DACH1: variants seen among roughly 807,000 people sequenced by gnomAD.
DACH1 encodes the protein dachshund homolog 1.
DACH1 carries 12 observed loss-of-function variants against 54.2 expected under a neutral mutation model. That is an observed-to-expected ratio of 0.22 (90% confidence interval 0.14 to 0.36). The LOEUF is 0.36. Ranked by LOEUF, DACH1 falls within the 10% of genes least tolerant of loss-of-function variation. The pLI, the probability that DACH1 is intolerant of heterozygous loss-of-function variation, is 1.00. For missense variants in DACH1, 805 were observed against 929.8 expected (o/e 0.87, Z 1.75); for synonymous variants, 386 against 366.2 (o/e 1.05, Z -0.62).
chr13:71,552,823 ATAT>A (rs1883931826), intron 6 of DACH1, among the ~76,000 whole-genome samples: 1 of 56,118 alleles, frequency 1.8e-5, no homozygotes, highest in Non-Finnish European at 3.4e-5. Context: ...ATATATATAT[ATAT>A]ATATATATAT....
At chr13:71,821,345 T>G (rs1888176649) in intron 1 of DACH1, among the ~76,000 whole-genome samples, 1 of 133,148 alleles carries the variant, frequency 7.5e-6, no homozygotes. Context: ...GTCCCTCCTG[T>G]GTGCCTCAGT....
chr13:71,692,068 T>C (rs1881509276), intron 1 of DACH1, among the ~76,000 whole-genome samples: 1 of 151,536 alleles, frequency 6.6e-6, no homozygotes, highest in Non-Finnish European at 1.5e-5. Flanking sequence ...TACACTTCTG[T>C]AATGAAGGCT....
At chr13:71,677,651 T>C (rs1030802968) in intron 2 of DACH1, among the ~76,000 whole-genome samples, 2 of 152,192 alleles carry the variant, frequency 1.3e-5, no homozygotes, top group African/African-American at 4.8e-5. Context: ...TTAACTCCAA[T>C]GTTCAATTCT....
At chr13:71,468,655 C>T (rs2138156322) in intron 10 of DACH1, among the ~76,000 whole-genome samples, 1 of 152,258 alleles carries the variant, frequency 6.6e-6, no homozygotes, top group Non-Finnish European at 1.5e-5. Context: ...TATTCAAATG[C>T]ATACGTCAAA....
intron 2 of DACH1, among the ~76,000 whole-genome samples, chr13:71,651,451 G>C (rs1878659258): frequency 6.6e-6 from 1 of 151,982 alleles, no homozygotes; most frequent in East Asian, 1.9e-4. Context: ...TTCTAACTCT[G>C]GGGGTTCAAG....
At chr13:71,773,909 T>G (rs1219030018) in intron 1 of DACH1, among the ~76,000 whole-genome samples, 1 of 151,958 alleles carries the variant, frequency 6.6e-6, no homozygotes, top group Non-Finnish European at 1.5e-5. Context: ...ATGTTTATCT[T>G]TAAGGCTTTA....
intron 3 of DACH1, among the ~76,000 whole-genome samples, chr13:71,622,754 C>T (rs1876340744): frequency 6.6e-6 from 1 of 151,656 alleles, no homozygotes; most frequent in African/African-American, 2.4e-5. Context: ...CTATATACAT[C>T]CTTATATTTT....
chr13:71,698,117 G>A (rs1243142455), intron 1 of DACH1, among the ~76,000 whole-genome samples: 3 of 152,000 alleles, frequency 2.0e-5, no homozygotes, highest in South Asian at 2.1e-4. Flanking sequence ...GCTAAAACCC[G>A]GGAGGTGCAA....
intron 1 of DACH1, among the ~76,000 whole-genome samples, chr13:71,682,790 T>C (rs1426920122): frequency 6.6e-6 from 1 of 152,136 alleles, no homozygotes; most frequent in East Asian, 1.9e-4. Flanking sequence ...GATTAATTAT[T>C]ACAGTTATAA....
chr13:71,821,171 T>C (rs575569610), intron 1 of DACH1, among the ~76,000 whole-genome samples: 4 of 152,268 alleles, frequency 2.6e-5, no homozygotes, highest in Middle Eastern at 3.4e-3. Flanking sequence ...TTTGTGAACA[T>C]TGGTTTTAGT....
chr13:71,842,151 T>G (rs1258241398), intron 1 of DACH1, among the ~76,000 whole-genome samples: 1 of 152,188 alleles, frequency 6.6e-6, no homozygotes, highest in Non-Finnish European at 1.5e-5. Flanking sequence ...TTCAATATCT[T>G]CCTCTATAAA....
intron 10 of DACH1, among the ~76,000 whole-genome samples, chr13:71,462,528 A>G (rs1931483): frequency 0.86 from 130,722 of 151,490 alleles, 59,110 homozygotes; most frequent in Non-Finnish European, 0.99. Context: ...GAAAAAAAAA[A>G]TCATTGACTG....
At chr13:71,677,356 C>T (rs568894490) in intron 2 of DACH1, among the ~76,000 whole-genome samples, 189 of 152,276 alleles carry the variant, frequency 1.2e-3, no homozygotes, top group African/African-American at 4.1e-3. Context: ...TTAACTTCAA[C>T]TTCTGGTTGC....
chr13:71,463,942 A>G (rs1380245198), intron 10 of DACH1, among the ~76,000 whole-genome samples: 1 of 151,882 alleles, frequency 6.6e-6, no homozygotes, highest in Non-Finnish European at 1.5e-5. Flanking sequence ...ATGATCTCTT[A>G]GTTTGTGAGA....
At chr13:71,751,276 T>C (rs1884911336) in intron 1 of DACH1, among the ~76,000 whole-genome samples, 1 of 152,212 alleles carries the variant, frequency 6.6e-6, no homozygotes, top group African/African-American at 2.4e-5. Context: ...CAGCTGTGCT[T>C]AAGTGCTGTT....
Position 71,568,852 on chromosome 13 carries a change from T to C in DACH1, c.1299+3988A>G, listed in dbSNP as rs556892076. ...ACATAAGAAATTAATACAGGTACAG[T>C]TTATAATTATTTAATATATCCCCAC... On this transcript the variant is annotated intron_variant, in intron 4 of 10. Coordinates refer to ENST00000613252, the MANE Select transcript of DACH1 (RefSeq NM_080759.6). Among the ~76,000 whole-genome samples, 21 of 152,040 alleles carry C rather than the reference T, an allele frequency of 1.4e-4. 1 individual carries two copies. The highest frequency in any genetic ancestry group is 3.4e-3 in the Middle Eastern group (1 of 294).
At chr13:71,752,660 A>AT (rs1425124912) in intron 1 of DACH1, among the ~76,000 whole-genome samples, 1 of 152,150 alleles carries the variant, frequency 6.6e-6, no homozygotes, top group Non-Finnish European at 1.5e-5. Context: ...GTCATTTCTG[A>AT]TTTTTTAAGA....
chr13:71,548,485 T>C (rs1211167008), intron 6 of DACH1, among the ~76,000 whole-genome samples: 1 of 152,152 alleles, frequency 6.6e-6, no homozygotes, highest in African/African-American at 2.4e-5. Context: ...TAAATAAGTC[T>C]AACCAAGGAA....
At chr13:71,794,181 G>A (rs1414213683) in intron 1 of DACH1, among the ~76,000 whole-genome samples, 2 of 152,140 alleles carry the variant, frequency 1.3e-5, no homozygotes, top group East Asian at 3.9e-4. Flanking sequence ...TCAACTTAGA[G>A]ATGAGAAACT....
Sources: gnomAD v4.1 joint callset for allele counts (sites outside exome capture counted in the v4.1 genomes callset) on GRCh38, gnomAD v4.1.1 for gene constraint, MANE v1.5 for transcripts, NCBI Gene and HGNC (gene_info 2026-07-23, HGNC 2026-07-21) for gene names.